NCKAP5L: variants seen among roughly 807,000 people sequenced by gnomAD.
The protein encoded by NCKAP5L is NCK associated protein 5 like.
NCKAP5L carries 54 observed loss-of-function variants against 103.2 expected under a neutral mutation model. That is an observed-to-expected ratio of 0.52 (90% confidence interval 0.42 to 0.66). The LOEUF (loss-of-function observed/expected upper bound fraction) is 0.66, where lower values mean the gene tolerates loss of function less well. Among genes scored for constraint, NCKAP5L ranks in the 30% least tolerant of loss-of-function variants. The pLI is 0.00. For synonymous variants in NCKAP5L, 762 were observed against 748.6 expected (o/e 1.02, Z -0.29); for missense variants, 1,733 against 1,750.6 (o/e 0.99, Z 0.18).
intron 1 of NCKAP5L, among the ~76,000 whole-genome samples, chr12:49,806,609 C>G (rs144921669): frequency 6.6e-6 from 1 of 152,348 alleles, no homozygotes; most frequent in Non-Finnish European, 1.5e-5. Flanking sequence ...GAGGCAGGCT[C>G]TGGGGCAGAG....
chr12:49,794,884 C>T lies in NCKAP5L; in HGVS notation c.2976G>A (p.Arg992=), dbSNP rs923163952. Residue 992 remains arginine, a synonymous_variant, in exon 8 of 13, where the codon CGG becomes CGA. Transcript: ENST00000335999. ...LEEEKAYLSS[R]ARPRPGGPAP... The stretch of plus-strand genomic sequence containing the variant: ...CTGGGCCACCAGGCCGTGGCCGGGC[C>T]CGGCTGCTTAGGTAGGCCTTCTCCT... The T allele has an allele frequency of 3.3e-6, 5 of 1,505,688 alleles. No homozygotes were observed. In the African/African-American group the frequency reaches 5.6e-5, roughly 17 times the overall value. The allele number at this position is 1,505,688 out of a possible 1,614,324, so 93.3% of individuals were successfully genotyped here. A position where few individuals can be genotyped will look rare whatever the true frequency, so the allele number is the denominator to read the frequency against.
chr12:49,807,015 G>A (rs1946187815), intron 1 of NCKAP5L, among the ~76,000 whole-genome samples: 1 of 152,276 alleles, frequency 6.6e-6, no homozygotes, highest in East Asian at 1.9e-4. Flanking sequence ...CACAGAGGCC[G>A]ACTCCGAGTC....
chr12:49,795,737 A>G lies in NCKAP5L; in HGVS notation c.2123T>C (p.Met708Thr). Residue 708 changes from methionine (M) to threonine (T), a missense_variant, in exon 8 of 13, where the codon ATG (methionine) becomes ACG (threonine). Coordinates refer to ENST00000335999, the MANE Select transcript of NCKAP5L (RefSeq NM_001037806.4). ...CAGTGGCCTGTGGATGGAGGGCACC[A>G]TGTCTCCAGCACTCTCCCCTGACTT... ...PGKSGESAGD[M>T]VPSIHRPLEQ... 1.9e-6 allele frequency: 3 copies of G among 1,603,302 alleles called. No homozygotes were observed. Among genetic ancestry groups the G allele is most frequent in the Non-Finnish European group, 2.6e-6 (3 of 1,175,378 alleles).
In NCKAP5L at chr12:49,796,508, G is replaced by A. The variant is rs1946047795; in HGVS notation, c.1352C>T (p.Ser451Phe). ...TAGAAACTTGAGACCCCTAGCTGGAGAGGGCAGAAGGGGTCCCTGAGCTTC... is the reference window on the plus strand; with the variant it reads ...TAGAAACTTGAGACCCCTAGCTGGAAAGGGCAGAAGGGGTCCCTGAGCTTC... The part of the protein sequence containing the change: ...PGEAQGPLLP[S>F]PARGLKFLKL... Residue 451 changes from serine to phenylalanine, a missense_variant, in exon 8 of 13, where the codon TCT (serine) becomes TTT (phenylalanine). Ser to Phe is a radical substitution (Grantham distance 155). Transcript: ENST00000335999. The A allele has an allele frequency of 6.5e-7, 1 of 1,543,622 alleles. No individual in the cohort carries two copies. The highest frequency in any genetic ancestry group is 8.7e-7 in the Non-Finnish European group (1 of 1,148,070).
chr12:49,808,125 T>C (rs1946200645), intron 1 of NCKAP5L, among the ~76,000 whole-genome samples: 1 of 152,162 alleles, frequency 6.6e-6, no homozygotes, highest in African/African-American at 2.4e-5. Context: ...TTGAGGAGCA[T>C]GGAGACCCCA....
intron 6 of NCKAP5L, 37 bp from the exon 7 acceptor site, chr12:49,798,500 C>T: frequency 2.0e-6 from 3 of 1,493,250 alleles, no homozygotes; most frequent in Non-Finnish European, 2.7e-6. Flanking sequence ...CAGTAGCTGT[C>T]TGACCCCAGC....
At chr12:49,820,812 T>C (rs761818177) in intron 1 of NCKAP5L, among the ~76,000 whole-genome samples, 25 of 152,172 alleles carry the variant, frequency 1.6e-4, no homozygotes, top group Admixed American at 4.6e-4. Context: ...GGCTCTGCTC[T>C]TGTTTGTGAT....
chr12:49,794,010 G>T (rs558703461), intron 8 of NCKAP5L, 114 bp from the exon 9 acceptor site: 3 of 995,274 alleles, frequency 3.0e-6, no homozygotes, highest in Non-Finnish European at 4.1e-6. Flanking sequence ...ATCCACCCCC[G>T]GGGAAGGGGA....
rs1359028880 is a variant in NCKAP5L at position 49,811,393 on chromosome 12, A to G, written c.-98-5352T>C. Reference sequence around the variant, plus strand: ...CCCTCCTGTTTCCCCAGAGGATTAAAGCCAGCAGAGGGGAACCCCCTCACA... The same window carrying G: ...CCCTCCTGTTTCCCCAGAGGATTAAGGCCAGCAGAGGGGAACCCCCTCACA... On this transcript the variant is annotated intron_variant, in intron 1 of 12. Transcript: ENST00000335999. Among the ~76,000 whole-genome samples the G allele has an allele frequency of 2.0e-5, 3 of 152,216 alleles. No homozygotes were observed. The East Asian group carries it at 5.8e-4, about 29-fold the overall frequency.
Position 49,791,604 on chromosome 12 carries a change from C to T in NCKAP5L, c.*235G>A. ...CCAGTCCCTTCCAGGAAGAGCCTTA[C>T]TCTGGGTGAGAGAAGGGACCAAGGG... On this transcript the variant is annotated 3_prime_UTR_variant, in exon 13 of 13. Transcript: ENST00000335999. 1 of 432,934 alleles carries T rather than the reference C, an allele frequency of 2.3e-6. No individual in the cohort carries two copies. Among genetic ancestry groups the T allele is most frequent in the Non-Finnish European group, 4.1e-6 (1 of 244,608 alleles). 26.8% of individuals were successfully genotyped at this position (432,934 alleles called of 1,614,324 possible).
intron 1 of NCKAP5L, among the ~76,000 whole-genome samples, chr12:49,821,634 C>G (rs967330641): frequency 6.6e-6 from 1 of 152,254 alleles, no homozygotes; most frequent in Admixed American, 6.5e-5. Context: ...AGCACTTGCT[C>G]TTATAGCACA....
At chr12:49,813,329 A>T (rs1243647398) in intron 1 of NCKAP5L, among the ~76,000 whole-genome samples, 2 of 152,212 alleles carry the variant, frequency 1.3e-5, no homozygotes, top group East Asian at 3.9e-4. Flanking sequence ...TGCTGATTCC[A>T]GCCACCCAGT....
intron 1 of NCKAP5L, among the ~76,000 whole-genome samples, chr12:49,810,871 G>C (rs1464161394): frequency 2.6e-5 from 4 of 152,034 alleles, no homozygotes; most frequent in Non-Finnish European, 5.9e-5. Flanking sequence ...AAAGCTCTTC[G>C]GGGTCCTCAA....
chr12:49,801,751 G>T (rs1398675032), intron 6 of NCKAP5L, 97 bp downstream of exon 6: 2 of 1,464,478 alleles, frequency 1.4e-6, no homozygotes, highest in Non-Finnish European at 1.9e-6. Context: ...CTGATGGCCT[G>T]CTTCCCTAGG....
At chr12:49,826,903 G>A (rs181550479) in intron 1 of NCKAP5L, among the ~76,000 whole-genome samples, 66 of 152,206 alleles carry the variant, frequency 4.3e-4, no homozygotes, top group African/African-American at 1.5e-3. Context: ...GATGCTGGAG[G>A]GACAAAGCCA....
In NCKAP5L at chr12:49,791,391, A is replaced by G. The variant is rs1160644183; in HGVS notation, c.*448T>C. The G allele has an allele frequency of 1.3e-5, 2 of 157,058 alleles. No individual in the cohort carries two copies. Among genetic ancestry groups the G allele is most frequent in the African/African-American group, 4.8e-5 (2 of 41,562 alleles). The allele number at this position is 157,058 out of a possible 1,614,324, so 9.7% of individuals were successfully genotyped here. A position where few individuals can be genotyped will look rare whatever the true frequency, so the allele number is the denominator to read the frequency against. On this transcript the variant is annotated 3_prime_UTR_variant, in exon 13 of 13. Coordinates refer to ENST00000335999, the MANE Select transcript of NCKAP5L (RefSeq NM_001037806.4). ...AGGACCAGGGCAGAGAGAGAAGGCA[A>G]CTTGTCCCCCTGGCCCCCAAACTCC...
intron 1 of NCKAP5L, among the ~76,000 whole-genome samples, chr12:49,815,991 C>T (rs1318607979): frequency 1.3e-5 from 2 of 152,210 alleles, no homozygotes; most frequent in African/African-American, 2.4e-5. Context: ...CAACACAACC[C>T]TCAAAGCTCT....
chr12:49,823,434 G>A (rs570116644), intron 1 of NCKAP5L, among the ~76,000 whole-genome samples: 9 of 152,192 alleles, frequency 5.9e-5, no homozygotes, highest in Admixed American at 2.6e-4. Flanking sequence ...CCACACTACG[G>A]GAGTTCCAGG....
Position 49,796,191 on chromosome 12 carries a change from C to T in NCKAP5L, c.1669G>A (p.Glu557Lys), listed in dbSNP as rs772804468. 10 of 1,604,254 alleles carry T rather than the reference C, an allele frequency of 6.2e-6. No individual in the cohort carries two copies. The Admixed American group carries it at 1.4e-4, about 22-fold the overall frequency. ...CTCCGAGAAAGGTCCAGAATGTTCT[C>T]ATAGCAGGGAGACACCACTGGGCCT... ...SPGPVVSPCY[E>K]NILDLSRSTF... Residue 557 changes from glutamate to lysine, a missense_variant, in exon 8 of 13, where the codon GAG (glutamate) becomes AAG (lysine). Transcript: ENST00000335999.
Sources: allele counts gnomAD v4.1 joint callset (sites outside exome capture counted in the v4.1 genomes callset), GRCh38; gene constraint gnomAD v4.1.1; transcripts MANE v1.5; gene names NCBI Gene and HGNC (gene_info 2026-07-23, HGNC 2026-07-21).